The following SNTG2 variants were observed in gnomAD, a reference collection of about 807,000 sequenced individuals.
SNTG2 encodes gamma-2-syntrophin.
A neutral mutation model predicts 70.9 loss-of-function variants in SNTG2; 74 were observed. The ratio of observed to expected loss-of-function variants is 1.04; its 90% CI spans 0.86 to 1.27. SNTG2 has a LOEUF of 1.27. Ranked by LOEUF, SNTG2 falls within the 50% of genes most tolerant of loss-of-function variation. The pLI, the probability that SNTG2 is intolerant of heterozygous loss-of-function variation, is 0.00. For missense variants in SNTG2, 717 were observed against 690.7 expected (o/e 1.04, Z -0.43); for synonymous variants, 278 against 273.8 (o/e 1.02, Z -0.15).
At chr2:1,051,514 C>T (rs1377759928) in intron 1 of SNTG2, among the ~76,000 whole-genome samples, 3 of 152,230 alleles carry the variant, frequency 2.0e-5, no homozygotes, top group Middle Eastern at 3.4e-3. Context: ...GTATTCACTC[C>T]CCTGTGCAAC....
intron 1 of SNTG2, among the ~76,000 whole-genome samples, chr2:994,310 A>G (rs1169149519): frequency 6.6e-6 from 1 of 152,114 alleles, no homozygotes; most frequent in Admixed American, 6.5e-5. Flanking sequence ...ATCAAATTAT[A>G]TAATACATGT....
chr2:1,076,639 C>T (rs897272623), intron 1 of SNTG2, among the ~76,000 whole-genome samples: 3 of 152,052 alleles, frequency 2.0e-5, no homozygotes, highest in Non-Finnish European at 2.9e-5. Flanking sequence ...CAAAGACATA[C>T]GAGAATGATC....
chr2:1,248,076 G>T (rs991011288), intron 12 of SNTG2, among the ~76,000 whole-genome samples: 3 of 152,126 alleles, frequency 2.0e-5, no homozygotes, highest in Non-Finnish European at 2.9e-5. Flanking sequence ...AGAGCTTCAG[G>T]TACCTACACG....
At chr2:1,246,966 G>A (rs2148130667) in intron 11 of SNTG2, among the ~76,000 whole-genome samples, 1 of 152,196 alleles carries the variant, frequency 6.6e-6, no homozygotes, top group African/African-American at 2.4e-5. Flanking sequence ...AATATAATTA[G>A]CTGTTTTTAC....
chr2:957,953 T>C (rs898252668), intron 1 of SNTG2, among the ~76,000 whole-genome samples: 1 of 152,178 alleles, frequency 6.6e-6, no homozygotes, highest in African/African-American at 2.4e-5. Flanking sequence ...GTAAGTAATA[T>C]AGCTTTTAGG....
intron 12 of SNTG2, among the ~76,000 whole-genome samples, chr2:1,249,445 G>A (rs1318535750): frequency 6.6e-6 from 1 of 152,124 alleles, no homozygotes; most frequent in Non-Finnish European, 1.5e-5. Flanking sequence ...TAGACTGTGG[G>A]TTGTATTAAC....
At chr2:1,213,169 T>G (rs534692931) in intron 9 of SNTG2, among the ~76,000 whole-genome samples, 5 of 152,288 alleles carry the variant, frequency 3.3e-5, no homozygotes, top group African/African-American at 1.2e-4. Context: ...ATGGAATAAT[T>G]AAATCAAGCT....
At chr2:1,324,240 G>A (rs1463394181) in intron 16 of SNTG2, among the ~76,000 whole-genome samples, 2 of 152,302 alleles carry the variant, frequency 1.3e-5, no homozygotes, top group South Asian at 2.1e-4. Flanking sequence ...GCTGAGTTGG[G>A]ACAGTGTTGC....
chr2:1,302,074 G>A (rs1680477678), intron 14 of SNTG2, among the ~76,000 whole-genome samples: 1 of 151,714 alleles, frequency 6.6e-6, no homozygotes, highest in Non-Finnish European at 1.5e-5. Context: ...AGATTCTCCT[G>A]CCTCATCCTC....
At chr2:1,066,484 C>T (rs141197938) in intron 1 of SNTG2, among the ~76,000 whole-genome samples, 2 of 151,788 alleles carry the variant, frequency 1.3e-5, no homozygotes, top group East Asian at 1.9e-4. Flanking sequence ...ATGATTTTGC[C>T]GGGATTCAGA....
intron 2 of SNTG2, among the ~76,000 whole-genome samples, chr2:1,084,847 G>A (rs1480848109): frequency 1.3e-5 from 2 of 152,124 alleles, no homozygotes; most frequent in Non-Finnish European, 2.9e-5. Context: ...AGGAAGGGGT[G>A]AGATCTCTCC....
chr2:1,114,350 T>A (rs1666772142), intron 4 of SNTG2, among the ~76,000 whole-genome samples: 1 of 151,644 alleles, frequency 6.6e-6, no homozygotes, highest in African/African-American at 2.4e-5. Flanking sequence ...TTACAGTCCT[T>A]TGAGGAGGAT....
At chr2:1,247,498 T>A in intron 12 of SNTG2, 55 bp downstream of exon 12, 1 of 1,243,396 alleles carries the variant, frequency 8.0e-7, no homozygotes, top group Non-Finnish European at 1.2e-6. Context: ...GCTATTCCTG[T>A]AGGAGGGGGA....
At position 1,253,488 on chromosome 2, in the gene SNTG2, T is replaced by C. The variant is rs1398334096; in HGVS notation, c.1006-5882T>C. Among the ~76,000 whole-genome samples the C allele has an allele frequency of 7.9e-5, 12 of 152,178 alleles. No homozygotes were observed. In the East Asian group the frequency reaches 2.3e-3, roughly 29 times the overall value. ...AATAATGTAGAAATATTCACAGAGC[T>C]TCGATTCTCAGCAGTCTACGTCAGA... On this transcript the variant is annotated intron_variant, in intron 12 of 16. Transcript: ENST00000308624.
At chr2:1,103,216 A>G (rs1445238653) in intron 4 of SNTG2, among the ~76,000 whole-genome samples, 2 of 152,114 alleles carry the variant, frequency 1.3e-5, no homozygotes, top group Non-Finnish European at 2.9e-5. Flanking sequence ...GTGAGATTGT[A>G]TATTTTGGGG....
At chr2:1,022,398 G>A (rs563045880) in intron 1 of SNTG2, among the ~76,000 whole-genome samples, 1 of 151,766 alleles carries the variant, frequency 6.6e-6, no homozygotes, top group Non-Finnish European at 1.5e-5. Flanking sequence ...TGCGTTCTCA[G>A]GAGCCTCTGC....
intron 6 of SNTG2, among the ~76,000 whole-genome samples, chr2:1,142,394 G>A (rs1668815158): frequency 6.6e-6 from 1 of 152,226 alleles, no homozygotes; most frequent in Admixed American, 6.5e-5. Flanking sequence ...TTGGATTCCA[G>A]GAGCCACCTT....
intron 4 of SNTG2, among the ~76,000 whole-genome samples, chr2:1,133,862 G>A (rs1270798014): frequency 1.3e-5 from 2 of 152,298 alleles, no homozygotes; most frequent in East Asian, 1.9e-4. Flanking sequence ...TTTTGTGTCC[G>A]GAATTGGTGG....
chr2:1,169,446 G>A (rs910449711), intron 7 of SNTG2, among the ~76,000 whole-genome samples: 1 of 152,130 alleles, frequency 6.6e-6, no homozygotes, highest in East Asian at 1.9e-4. Context: ...AGCAACAGCA[G>A]CAGCAACACT....
Sources: allele counts gnomAD v4.1 joint callset (sites outside exome capture counted in the v4.1 genomes callset), GRCh38; gene constraint gnomAD v4.1.1; transcripts MANE v1.5; gene names NCBI Gene and HGNC (gene_info 2026-07-23, HGNC 2026-07-21).